DNAH7: variants seen among roughly 807,000 people sequenced by gnomAD.
DNAH7 encodes the protein axonemal beta dynein heavy chain 7.
Under a neutral mutation model 444.6 loss-of-function variants are expected in DNAH7, and 397 were observed. The observed-to-expected ratio is 0.89, with a 90% CI of 0.82 to 0.97. The LOEUF is 0.97. DNAH7 is among the 50% of genes least tolerant of loss of function. The pLI is 0.00. For synonymous variants in DNAH7, 1,636 were observed against 1,624.4 expected, an observed-to-expected ratio of 1.01 and a Z score of -0.17; for missense variants, 4,902 against 4,800.8, an observed-to-expected ratio of 1.02 and a Z score of -0.62.
intron 4 of DNAH7, 59 bp from the exon 5 acceptor site, chr2:196,047,558 T>G: frequency 1.5e-6 from 2 of 1,323,198 alleles, no homozygotes; most frequent in Non-Finnish European, 2.0e-6. Flanking sequence ...GCTAAAGCAT[T>G]TCACATGCTT....
At chr2:195,740,575 T>C (rs1692936272) in intron 64 of DNAH7, among the ~76,000 whole-genome samples, 191 bp downstream of exon 64, 3 of 141,068 alleles carry the variant, frequency 2.1e-5, no homozygotes, top group Admixed American at 7.2e-5. Context: ...ATAACAAGAA[T>C]TGACTGTATA....
chr2:195,833,690 C>G (rs182598450), intron 48 of DNAH7, among the ~76,000 whole-genome samples: 2 of 125,780 alleles, frequency 1.6e-5, no homozygotes, highest in East Asian at 3.9e-4. Context: ...TTTATAATCT[C>G]TTTATTTTAG....
intron 15 of DNAH7, among the ~76,000 whole-genome samples, chr2:195,972,749 T>A (rs1294008573): frequency 6.6e-6 from 1 of 152,088 alleles, no homozygotes; most frequent in Non-Finnish European, 1.5e-5. Context: ...GCAGATACTA[T>A]CTGAGTGAAG....
At chr2:195,933,051 G>A (rs566922126) in intron 21 of DNAH7, among the ~76,000 whole-genome samples, 1 of 152,098 alleles carries the variant, frequency 6.6e-6, no homozygotes, top group Non-Finnish European at 1.5e-5. Flanking sequence ...TCTGGTCCTG[G>A]ACTTTTTTTG....
At chr2:195,895,545 T>C (rs1306974162) in intron 29 of DNAH7, among the ~76,000 whole-genome samples, 1 of 152,148 alleles carries the variant, frequency 6.6e-6, no homozygotes, top group East Asian at 1.9e-4. Flanking sequence ...GCTCAAGCCA[T>C]CCCCCACGTC....
At chr2:196,057,928 T>A (rs926994386) in intron 2 of DNAH7, 126 bp downstream of exon 2, 1 of 716,954 alleles carries the variant, frequency 1.4e-6, no homozygotes, top group African/African-American at 1.8e-5. Flanking sequence ...CAGAAAAGAA[T>A]CAAATGGAAT....
intron 24 of DNAH7, among the ~76,000 whole-genome samples, chr2:195,913,950 G>A (rs549354724): frequency 1.1e-3 from 164 of 152,232 alleles, no homozygotes; most frequent in African/African-American, 3.9e-3. Flanking sequence ...TCCTGACCTC[G>A]TGATCTGCCT....
At chr2:196,025,352 T>A (rs894452420) in intron 7 of DNAH7, among the ~76,000 whole-genome samples, 4 of 152,174 alleles carry the variant, frequency 2.6e-5, no homozygotes, top group Admixed American at 6.5e-5. Flanking sequence ...TTCAAGAAGC[T>A]CTAATATGCA....
Position 195,787,045 on chromosome 2 carries a change from C to T in DNAH7, c.10843G>A (p.Val3615Ile), listed in dbSNP as rs754213899. Reference protein sequence around the residue: ...EFNETDLRISVQQLHMFLNQY... With the variant: ...EFNETDLRISIQQLHMFLNQY... The stretch of plus-strand genomic sequence containing the variant: ...TTCAGGAACATGTGGAGCTGCTGTA[C>T]GCTGATTCTCAGATCTGTCTCATTG... Residue 3615 changes from valine to isoleucine, a missense_variant, in exon 58 of 65, where the codon GTA becomes ATA. Coordinates refer to ENST00000312428, the MANE Select transcript of DNAH7 (RefSeq NM_018897.3). 25 of 1,606,584 alleles carry T rather than the reference C, an allele frequency of 1.6e-5. No homozygotes were observed. The highest frequency in any genetic ancestry group is 1.4e-4 in the South Asian group (13 of 89,758).
chr2:195,959,509 G>T (rs754943162), intron 18 of DNAH7, among the ~76,000 whole-genome samples: 24 of 152,206 alleles, frequency 1.6e-4, no homozygotes, highest in Non-Finnish European at 3.4e-4. Flanking sequence ...CAAACACAGA[G>T]AATGAGCCAA....
intron 19 of DNAH7, among the ~76,000 whole-genome samples, chr2:195,948,266 A>G (rs1009260831): frequency 1.3e-5 from 2 of 151,848 alleles, no homozygotes; most frequent in African/African-American, 4.8e-5. Context: ...ATGATAGTTT[A>G]TTTTGCTGTG....
chr2:195,952,641 T>G (rs1438840720), intron 19 of DNAH7, among the ~76,000 whole-genome samples: 1 of 152,178 alleles, frequency 6.6e-6, no homozygotes, highest in East Asian at 1.9e-4. Context: ...TTCATTCTTT[T>G]TCTCTCTCAT....
chr2:195,975,809 G>A (rs938896417), intron 15 of DNAH7, among the ~76,000 whole-genome samples: 9 of 152,092 alleles, frequency 5.9e-5, no homozygotes, highest in Non-Finnish European at 1.2e-4. Flanking sequence ...GACACACATG[G>A]GCCAGAAGAA....
intron 17 of DNAH7, among the ~76,000 whole-genome samples, chr2:195,967,379 A>G (rs1691552669): frequency 6.6e-6 from 1 of 152,198 alleles, no homozygotes. Flanking sequence ...TACTTAAGAC[A>G]TGAGTAGTTT....
At chr2:195,982,084 C>T (rs1403141035) in intron 15 of DNAH7, among the ~76,000 whole-genome samples, 6 of 152,134 alleles carry the variant, frequency 3.9e-5, no homozygotes, top group African/African-American at 1.4e-4. Context: ...GGATTAATAA[C>T]CAGAACTATA....
intron 24 of DNAH7, among the ~76,000 whole-genome samples, chr2:195,913,540 T>C (rs1687484874): frequency 6.6e-6 from 1 of 152,194 alleles, no homozygotes; most frequent in East Asian, 1.9e-4. Context: ...TAAGATGATT[T>C]AAAGAAGTCC....
At chr2:195,759,789 C>T (rs1227384303) in intron 61 of DNAH7, among the ~76,000 whole-genome samples, 2 of 152,028 alleles carry the variant, frequency 1.3e-5, no homozygotes, top group Admixed American at 6.6e-5. Flanking sequence ...GAGGTTGAGG[C>T]TGCAGTGAGC....
chr2:195,792,154 G>T (rs1695904292), intron 57 of DNAH7, among the ~76,000 whole-genome samples: 1 of 105,716 alleles, frequency 9.5e-6, no homozygotes, highest in African/African-American at 3.7e-5. Context: ...GCAATAGAGT[G>T]AGACCCTGTC....
intron 17 of DNAH7, among the ~76,000 whole-genome samples, chr2:195,963,495 T>A (rs1462467685): frequency 3.3e-5 from 5 of 151,704 alleles, no homozygotes; most frequent in African/African-American, 9.7e-5. Context: ...GATCTCCTTA[T>A]GTATTCCAGT....
Sources: allele counts gnomAD v4.1 joint callset (sites outside exome capture counted in the v4.1 genomes callset), GRCh38; gene constraint gnomAD v4.1.1; transcripts MANE v1.5; gene names NCBI Gene and HGNC (gene_info 2026-07-23, HGNC 2026-07-21).